MPPED2: variants seen among roughly 807,000 people sequenced by gnomAD.
MPPED2 encodes metallophosphoesterase domain containing 2.
MPPED2 carries 5 observed loss-of-function variants against 33.0 expected under a neutral mutation model. The ratio of observed to expected loss-of-function variants is 0.15; its 90% CI spans 0.08 to 0.32. The LOEUF (loss-of-function observed/expected upper bound fraction) is 0.32. Ranked by LOEUF, MPPED2 falls within the 10% of genes least tolerant of loss-of-function variation. The pLI is 1.00. For missense variants in MPPED2, 275 were observed against 372.1 expected, an observed-to-expected ratio of 0.74 and a Z score of 2.15; for synonymous variants, 136 against 141.9, an observed-to-expected ratio of 0.96 and a Z score of 0.29.
downstream of MPPED2, among the ~76,000 whole-genome samples, chr11:30,408,824 G>A (rs1450364341): frequency 6.6e-6 from 1 of 152,186 alleles, no homozygotes; most frequent in Non-Finnish European, 1.5e-5. Context: ...TACACAACCT[G>A]TTCAACAGGG....
chr11:30,560,392 C>T (rs1590860908), intron 2 of MPPED2, among the ~76,000 whole-genome samples: 1 of 151,882 alleles, frequency 6.6e-6, no homozygotes, highest in East Asian at 1.9e-4. Flanking sequence ...CCAACCAACA[C>T]TGACTGGCAT....
At chr11:30,428,243 A>T (rs1036064946) in intron 4 of MPPED2, among the ~76,000 whole-genome samples, 11 of 152,322 alleles carry the variant, frequency 7.2e-5, no homozygotes, top group African/African-American at 2.4e-4. Flanking sequence ...CTCTCATCTG[A>T]CTGAGAAATT....
chr11:30,567,949 C>A (rs538113021), intron 2 of MPPED2, among the ~76,000 whole-genome samples: 1 of 152,258 alleles, frequency 6.6e-6, no homozygotes, highest in South Asian at 2.1e-4. Flanking sequence ...CTAAAAACTT[C>A]TTCACAAGAA....
chr11:30,561,980 A>G (rs894725774), intron 2 of MPPED2, among the ~76,000 whole-genome samples: 3 of 152,186 alleles, frequency 2.0e-5, no homozygotes, highest in Non-Finnish European at 4.4e-5. Flanking sequence ...ATACTCGACC[A>G]TAGTCAGATC....
chr11:30,455,407 A>G (rs1347360702), intron 4 of MPPED2, among the ~76,000 whole-genome samples: 1 of 152,238 alleles, frequency 6.6e-6, no homozygotes, highest in Non-Finnish European at 1.5e-5. Context: ...TGGAAAAGAG[A>G]AGACACTTGA....
chr11:30,442,090 T>C (rs1346268527), intron 4 of MPPED2, among the ~76,000 whole-genome samples: 5 of 152,162 alleles, frequency 3.3e-5, no homozygotes, highest in Non-Finnish European at 7.4e-5. Context: ...ACACATCGTT[T>C]AAGATAAAAT....
At chr11:30,394,384 A>G (rs1234644807) in intron 6 of MPPED2, among the ~76,000 whole-genome samples, 2 of 152,280 alleles carry the variant, frequency 1.3e-5, no homozygotes, top group South Asian at 2.1e-4. Flanking sequence ...TTTCATTTCT[A>G]TAAGTAATGC....
intron 4 of MPPED2, among the ~76,000 whole-genome samples, chr11:30,492,044 G>A (rs1478067933): frequency 2.0e-5 from 3 of 152,186 alleles, no homozygotes; most frequent in African/African-American, 7.2e-5. Flanking sequence ...CATTTCAGAA[G>A]ACTGATTAGT....
At chr11:30,532,854 A>G (rs1354338596) in intron 3 of MPPED2, among the ~76,000 whole-genome samples, 2 of 152,220 alleles carry the variant, frequency 1.3e-5, no homozygotes, top group Non-Finnish European at 2.9e-5. Flanking sequence ...ACTAGGTGAC[A>G]TATGTACAGA....
Position 30,492,704 on chromosome 11 carries a change from C to T in MPPED2, c.536+2592G>A, listed in dbSNP as rs934649179. ...CTCACACATTAAAAAAATAAATTGA[C>T]GTACCTTACTAAATAAAGCTAGGTA... On this transcript the variant is annotated intron_variant, in intron 4 of 6. Coordinates refer to ENST00000358117, the MANE Select transcript of MPPED2 (RefSeq NM_001584.3). 1.1e-4 allele frequency among the ~76,000 whole-genome samples: 7 copies of T among 66,200 alleles called. No individual in the cohort carries two copies. In the African/African-American group the frequency reaches 1.1e-3, roughly 10 times the overall value. The allele number at this position is 66,200 out of a possible 152,430, so 43.4% of individuals were successfully genotyped here.
At chr11:30,491,161 G>A (rs1184159737) in intron 4 of MPPED2, among the ~76,000 whole-genome samples, 5 of 152,114 alleles carry the variant, frequency 3.3e-5, no homozygotes, top group African/African-American at 9.7e-5. Context: ...GGAGAAAAGT[G>A]GTACCTATGG....
At chr11:30,440,147 T>A (rs1212651243) in intron 4 of MPPED2, among the ~76,000 whole-genome samples, 1 of 152,038 alleles carries the variant, frequency 6.6e-6, no homozygotes, top group African/African-American at 2.4e-5. Context: ...CTGGCCAACA[T>A]GGTGAAACCC....
At chr11:30,406,778 C>T (rs1397418448), downstream of MPPED2, among the ~76,000 whole-genome samples, 1 of 152,234 alleles carries the variant, frequency 6.6e-6, no homozygotes, top group Non-Finnish European at 1.5e-5. Flanking sequence ...GAACCTTCCC[C>T]ACAAGCAATT....
chr11:30,416,434 G>T (rs12806743), intron 5 of MPPED2, among the ~76,000 whole-genome samples: 25,977 of 152,238 alleles, frequency 0.17, 2,692 homozygotes, highest in Non-Finnish European at 0.24. Context: ...ATTAGGAAAT[G>T]AATGTTATTT....
At chr11:30,388,732 G>A (rs534620185) in exon 7 of MPPED2, 40 of 972,470 alleles carry the variant, frequency 4.1e-5, no homozygotes, top group African/African-American at 3.5e-4. Flanking sequence ...CTTCCCTGTC[G>A]CCTCCTCCTC....
At chr11:30,518,488 T>C (rs1235883851) in intron 3 of MPPED2, among the ~76,000 whole-genome samples, 1 of 152,234 alleles carries the variant, frequency 6.6e-6, no homozygotes, top group Non-Finnish European at 1.5e-5. Context: ...TGATACGTTT[T>C]TAATAAAGAT....
chr11:30,484,828 T>TA (rs1163504167), intron 4 of MPPED2, among the ~76,000 whole-genome samples: 1 of 152,194 alleles, frequency 6.6e-6, no homozygotes, highest in East Asian at 1.9e-4. Flanking sequence ...ATATTCACTT[T>TA]AAACAGTTTC....
In MPPED2 at chr11:30,411,492, G is replaced by T; in HGVS notation, c.861C>A (p.Asp287Glu). 6.2e-7 allele frequency: 1 copy of T among 1,613,776 alleles called. No individual in the cohort carries two copies. Among genetic ancestry groups the T allele is most frequent in the Non-Finnish European group, 8.5e-7 (1 of 1,179,754 alleles). Residue 287 changes from aspartate to glutamate, a missense_variant, in exon 7 of 7, where the codon GAC becomes GAA. Coordinates refer to ENST00000358117, the MANE Select transcript of MPPED2 (RefSeq NM_001584.3). ...TTCAGGAACCCTGTGGGTTTGGAAG[G>T]TCAAATATAATTGGAGGGTTGGTCG... ...FQPTNPPIIFDLPNPQGS is the reference protein window; with the variant it reads ...FQPTNPPIIFELPNPQGS
downstream of MPPED2, among the ~76,000 whole-genome samples, chr11:30,409,660 C>T (rs1352105172): frequency 6.6e-6 from 1 of 152,164 alleles, no homozygotes; most frequent in Admixed American, 6.5e-5. Context: ...CCAATGAGCC[C>T]TGACACATAA....
Sources: allele counts gnomAD v4.1 joint callset (sites outside exome capture counted in the v4.1 genomes callset), GRCh38; gene constraint gnomAD v4.1.1; transcripts MANE v1.5; gene names NCBI Gene and HGNC (gene_info 2026-07-23, HGNC 2026-07-21).